The following XPC variants were observed in gnomAD, a reference collection of about 807,000 sequenced individuals.
The protein encoded by XPC is DNA repair protein complementing XP-C cells.
In XPC, 76 loss-of-function variants were observed where a neutral mutation model predicts 95.8. That is an observed-to-expected ratio of 0.79 (90% CI 0.66 to 0.96). XPC has a LOEUF of 0.96. XPC is among the 40% of genes least tolerant of loss of function. The probability of loss-of-function intolerance (pLI) is 0.00; values close to 1 mark genes in which losing one functional copy is unlikely to be tolerated. For missense variants in XPC, 1,146 were observed against 1,179.8 expected (o/e 0.97, Z 0.42); for synonymous variants, 442 against 442.1 (o/e 1.00, Z 0.00).
At position 14,168,201 on chromosome 3, in the gene XPC, A is replaced by G. The variant is rs140700601; in HGVS notation, c.536+56T>C. ...AAGTTTCTCCAAAGTCCTCCTAAGC[A>G]GCAGCTGTTGCCTACTGCATGTGAC... is the stretch of plus-strand genomic sequence containing the variant. On this transcript the variant is annotated intron_variant, in intron 4 of 15. Transcript: ENST00000285021. The G allele has an allele frequency of 3.7e-5, 58 of 1,550,572 alleles. No individual in the cohort carries two copies. In the East Asian group the frequency reaches 1.3e-3, roughly 34 times the overall value.
intron 7 of XPC, 98 bp downstream of exon 7, chr3:14,164,715 G>A: frequency 2.4e-6 from 3 of 1,263,062 alleles, no homozygotes; most frequent in Non-Finnish European, 3.3e-6. Context: ...GAATAAGGTA[G>A]TGTCGGTAAC....
At position 14,147,285 on chromosome 3, in the gene XPC, C is replaced by A; in HGVS notation, c.2604+5G>T. 1 of 1,606,726 alleles carries A rather than the reference C, an allele frequency of 6.2e-7. No individual in the cohort carries two copies. The highest frequency in any genetic ancestry group is 8.5e-7 in the Non-Finnish European group (1 of 1,176,690). ...TTGTCTTCTCTGCAAAGAACCTGCA[C>A]TGACCTTGGGCCCGTAGCGACGCTT... is the stretch of plus-strand genomic sequence containing the variant. On this transcript the variant is annotated splice_donor_5th_base_variant and intron_variant, in intron 15 of 15. Transcript: ENST00000285021.
rs1696046168 is a variant in XPC, at chr3:14,158,756, G to T, written c.1127C>A (p.Thr376Asn). ...CTTCCCTTTGGCACTTGGCCTGCAG[G>T]TGCCCTTAGCAAAGGTTTCCTCTTG... is the stretch of plus-strand genomic sequence containing the variant. ...TKQEETFAKG[T>N]CRPSAKGKRN... The change falls in exon 9 of 16, where the codon ACC becomes AAC. Residue 376 changes from threonine (T) to asparagine (N), a missense_variant. By Grantham distance (65) the Thr-to-Asn change is moderately conservative. Coordinates refer to ENST00000285021, the MANE Select transcript of XPC (RefSeq NM_004628.5). This position sits in a 1 kb window ranked among gnomAD's most constrained non-coding sequence, Gnocchi z 5.2. The T allele has an allele frequency of 6.2e-7, 1 of 1,613,776 alleles. No individual in the cohort carries two copies. The highest frequency in any genetic ancestry group is 1.3e-5 in the African/African-American group (1 of 74,880).
Position 14,156,595 on chromosome 3 carries a change from G to T in XPC, c.1873-100C>A, listed in dbSNP as rs1427065768. 4 of 1,534,396 alleles carry T rather than the reference G, an allele frequency of 2.6e-6. No individual in the cohort carries two copies. In the East Asian group the frequency reaches 6.8e-5, roughly 26 times the overall value. Reference sequence around the variant, plus strand: ...GACTAACTTGTTCTGACAACAGATGGTGGAGCCAAGGTTTCATGAACACTA... The same window carrying T: ...GACTAACTTGTTCTGACAACAGATGTTGGAGCCAAGGTTTCATGAACACTA... On this transcript the variant is annotated intron_variant, in intron 9 of 15. Coordinates refer to ENST00000285021, the MANE Select transcript of XPC (RefSeq NM_004628.5).
intron 6 of XPC, 105 bp downstream of exon 6, chr3:14,165,323 A>C (rs368242560): frequency 1.5e-4 from 212 of 1,378,026 alleles, no homozygotes; most frequent in Middle Eastern, 5.3e-4. Context: ...CCTGATACAT[A>C]GTTACCGCCT....
chr3:14,167,287 G>T (rs55644336), intron 4 of XPC, 34 bp from the exon 5 acceptor site: 17 of 1,580,252 alleles, frequency 1.1e-5, no homozygotes, highest in Non-Finnish European at 1.4e-5. Context: ...GGGAATGAAG[G>T]GGGGAACTGA....
rs374572265 is a variant in XPC at position 14,172,907 on chromosome 3, C to G, written c.259G>C (p.Val87Leu). The G allele has an allele frequency of 1.8e-5, 29 of 1,613,860 alleles. No individual in the cohort carries two copies. The African/African-American group carries it at 3.3e-4, about 19-fold the overall frequency. Residue 87 changes from valine (V) to leucine (L), a missense_variant, in exon 2 of 16, where the codon GTT becomes CTT. Transcript: ENST00000285021. ...TCGCTGAGGGCTTCATCCTTTATAACCTTGAGGTTTTCAGATTTAACAGTC... is the reference window on the plus strand; with the variant it reads ...TCGCTGAGGGCTTCATCCTTTATAAGCTTGAGGTTTTCAGATTTAACAGTC... ...KVTVKSENLK[V>L]IKDEALSDGD...
chr3:14,175,315 C>T (rs1219045186), intron 1 of XPC, among the ~76,000 whole-genome samples: 3 of 152,204 alleles, frequency 2.0e-5, no homozygotes, highest in Non-Finnish European at 2.9e-5. Context: ...TTAGCTGCCT[C>T]TCCCCCAGCC....
intron 3 of XPC, among the ~76,000 whole-genome samples, chr3:14,169,336 G>A (rs948020321): frequency 6.6e-6 from 1 of 152,190 alleles, no homozygotes; most frequent in South Asian, 2.1e-4. Flanking sequence ...TTTGGACTTA[G>A]TTTACAAGAA....
chr3:14,167,084 A>G, intron 5 of XPC, 85 bp downstream of exon 5: 1 of 1,259,696 alleles, frequency 7.9e-7, no homozygotes, highest in Non-Finnish European at 1.1e-6. Flanking sequence ...GCCACAGAGC[A>G]GCAAAGCCAG....
chr3:14,171,351 A>T (rs1696604243), intron 2 of XPC, among the ~76,000 whole-genome samples: 1 of 152,166 alleles, frequency 6.6e-6, no homozygotes, highest in Non-Finnish European at 1.5e-5. Flanking sequence ...TTCTCTCAAA[A>T]CACCAGCAAT....
chr3:14,174,377 T>C (rs1174238887), intron 1 of XPC, among the ~76,000 whole-genome samples: 3 of 150,784 alleles, frequency 2.0e-5, no homozygotes, highest in Non-Finnish European at 4.5e-5. Context: ...GATCTTACAA[T>C]GGTAGTTAGC....
chr3:14,178,396 C>A (rs747900481), intron 1 of XPC, 70 bp downstream of exon 1: 1 of 1,503,340 alleles, frequency 6.7e-7, no homozygotes, highest in Non-Finnish European at 8.9e-7. Flanking sequence ...TCTGGACTCC[C>A]GCCCTGCCTC....
rs2125004057 is a variant in XPC at position 14,145,872 on chromosome 3, C to G, written c.*69G>C. The G allele has an allele frequency of 6.4e-7, 1 of 1,553,254 alleles. No homozygotes were observed. Among genetic ancestry groups the G allele is most frequent in the Non-Finnish European group, 8.8e-7 (1 of 1,140,466 alleles). ...CCCCACCACCAGGGGCTGGGCATGC[C>G]CAGGGCAGGTGTGGGGCCTGTAGTG... On this transcript the variant is annotated 3_prime_UTR_variant, in exon 16 of 16. Coordinates refer to ENST00000285021, the MANE Select transcript of XPC (RefSeq NM_004628.5).
chr3:14,172,796 A>T (rs1381889268), intron 2 of XPC, 71 bp downstream of exon 2: 25 of 1,507,446 alleles, frequency 1.7e-5, no homozygotes, highest in Middle Eastern at 1.7e-4. Flanking sequence ...GTAAGAATAG[A>T]GGTTTTCATT....
chr3:14,145,939 G>A lies in XPC; in HGVS notation c.*2C>T, dbSNP rs1292575535. 6.2e-7 allele frequency: 1 copy of A among 1,603,656 alleles called. No individual in the cohort carries two copies. Among genetic ancestry groups the A allele is most frequent in the Non-Finnish European group, 8.5e-7 (1 of 1,172,274 alleles). The stretch of plus-strand genomic sequence containing the variant: ...TGGGTGCCCCTCTAGTGGGCGCTCA[G>A]CTCACAGCTGCTCAAATGGGAACAG... On this transcript the variant is annotated 3_prime_UTR_variant, in exon 16 of 16. Transcript: ENST00000285021.
At chr3:14,160,833 A>C (rs1371557880) in intron 7 of XPC, among the ~76,000 whole-genome samples, 1 of 152,350 alleles carries the variant, frequency 6.6e-6, no homozygotes, top group East Asian at 1.9e-4. Flanking sequence ...AGTCTGGATA[A>C]CTAAGTGTTC....
intron 1 of XPC, among the ~76,000 whole-genome samples, chr3:14,176,461 G>A (rs565201571): frequency 6.6e-6 from 1 of 152,262 alleles, no homozygotes; most frequent in East Asian, 1.9e-4. Flanking sequence ...TGCCTTGAAT[G>A]TTTTACATGT....
chr3:14,178,290 A>G, intron 1 of XPC, 176 bp downstream of exon 1: 1 of 702,582 alleles, frequency 1.4e-6, no homozygotes. Context: ...GGTGCGCAGG[A>G]CAAAGACGCG....
Sources: gnomAD v4.1 joint callset for allele counts (sites outside exome capture counted in the v4.1 genomes callset) on GRCh38, gnomAD v4.1.1 for gene constraint, Gnocchi (gnomAD v3.1) non-coding constraint, MANE v1.5 for transcripts, NCBI Gene and HGNC (gene_info 2026-07-23, HGNC 2026-07-21) for gene names.